Variants in NEK11 observed in about 807,000 individuals in gnomAD.
NEK11 encodes the protein NIMA related kinase 11, also known as serine/threonine-protein kinase Nek11.
A neutral mutation model predicts 80.7 loss-of-function variants in NEK11; 72 were observed. The observed-to-expected ratio is 0.89, with a 90% CI of 0.74 to 1.08. The LOEUF is 1.08. NEK11 is among the 50% of genes least tolerant of loss of function. The pLI, the probability that NEK11 is intolerant of heterozygous loss-of-function variation, is 0.00. For synonymous variants in NEK11, 251 were observed against 260.7 expected, an observed-to-expected ratio of 0.96 and a Z score of 0.36; for missense variants, 764 against 763.6, an observed-to-expected ratio of 1.00 and a Z score of -0.01.
intron 14 of NEK11, among the ~76,000 whole-genome samples, chr3:131,173,422 T>G (rs755758202): frequency 2.6e-5 from 4 of 152,086 alleles, no homozygotes; most frequent in Non-Finnish European, 5.9e-5. Flanking sequence ...GGATATTGAA[T>G]GGGTGGTCTA....
At chr3:131,294,092 T>G (rs2096570304) in intron 17 of NEK11, among the ~76,000 whole-genome samples, 1 of 152,084 alleles carries the variant, frequency 6.6e-6, no homozygotes, top group Non-Finnish European at 1.5e-5. Flanking sequence ...GCTCTAATTC[T>G]TACTTCTTTC....
rs191010502 is a variant in NEK11, at chr3:131,082,971, A to T, written c.336+2383A>T. Among the ~76,000 whole-genome samples the T allele has an allele frequency of 2.0e-3, 299 of 152,248 alleles. 1 individual carries two copies. The highest frequency in any genetic ancestry group is 7.0e-3 in the African/African-American group (290 of 41,506). Reference sequence around the variant, plus strand: ...CAGTAATCAAAATCAGGAAATCAACAGTGATACAATGCTAGTATGAAACCC... The same window carrying T: ...CAGTAATCAAAATCAGGAAATCAACTGTGATACAATGCTAGTATGAAACCC... On this transcript the variant is annotated intron_variant, in intron 4 of 17. Transcript: ENST00000383366.
intron 3 of NEK11, among the ~76,000 whole-genome samples, chr3:131,058,794 C>G (rs1482453018): frequency 6.6e-6 from 1 of 152,158 alleles, no homozygotes; most frequent in African/African-American, 2.4e-5. Context: ...CTCTCCCATC[C>G]TCACAGACAA....
intron 14 of NEK11, among the ~76,000 whole-genome samples, chr3:131,179,944 A>G (rs2150153572): frequency 6.6e-6 from 1 of 152,340 alleles, no homozygotes; most frequent in South Asian, 2.1e-4. Context: ...TGTAACAAAT[A>G]CACCTATTGA....
rs144492206 is a variant in NEK11 at position 131,113,934 on chromosome 3, A to G, written c.455+4013A>G. ...TCAAAAAAAAAAAAAAAAAAAGGCA[A>G]TCTTGCTTAAATATAACTATTGTTT... On this transcript the variant is annotated intron_variant, in intron 5 of 17. Coordinates refer to ENST00000383366, the MANE Select transcript of NEK11 (RefSeq NM_024800.5). Among the ~76,000 whole-genome samples, 775 of 149,658 alleles carry G rather than the reference A, an allele frequency of 5.2e-3. 8 individuals are homozygous for G. The highest frequency in any genetic ancestry group is 0.018 in the African/African-American group (724 of 40,672).
intron 17 of NEK11, among the ~76,000 whole-genome samples, chr3:131,305,153 G>T (rs1380530640): frequency 1.3e-5 from 2 of 151,644 alleles, no homozygotes; most frequent in African/African-American, 2.4e-5. Context: ...GCTATGGTGT[G>T]TGCACTGGCG....
chr3:131,232,685 G>A (rs1390026016), intron 15 of NEK11, among the ~76,000 whole-genome samples: 1 of 152,180 alleles, frequency 6.6e-6, no homozygotes, highest in Non-Finnish European at 1.5e-5. Context: ...GCAGAGAACT[G>A]GATATGCGAT....
intron 17 of NEK11, among the ~76,000 whole-genome samples, chr3:131,306,790 C>G (rs1021375567): frequency 3.9e-5 from 6 of 152,184 alleles, no homozygotes; most frequent in African/African-American, 1.4e-4. Flanking sequence ...GGAGGTATAT[C>G]TCACTCAATT....
chr3:131,349,079 C>T (rs184595265), intron 17 of NEK11, among the ~76,000 whole-genome samples: 1 of 152,134 alleles, frequency 6.6e-6, no homozygotes, highest in Non-Finnish European at 1.5e-5. Flanking sequence ...ATGTTTTAGC[C>T]TTAGGGCCAA....
In NEK11 at chr3:131,136,843, C is replaced by T. The variant is rs138187660; in HGVS notation, c.647+2887C>T. Among the ~76,000 whole-genome samples, 252 of 152,232 alleles carry T rather than the reference C, an allele frequency of 1.7e-3. 1 individual carries two copies. Among genetic ancestry groups the T allele is most frequent in the Non-Finnish European group, 2.8e-3 (190 of 68,010 alleles). On this transcript the variant is annotated intron_variant, in intron 7 of 17. Coordinates refer to ENST00000383366, the MANE Select transcript of NEK11 (RefSeq NM_024800.5). ...AGAAATACAAATATGAGTTGGGTTC[C>T]TAGGCCAGCTCATTAAATTGATTTA... is the stretch of plus-strand genomic sequence containing the variant.
chr3:131,322,245 A>C (rs2109763073), intron 17 of NEK11, among the ~76,000 whole-genome samples: 1 of 152,304 alleles, frequency 6.6e-6, no homozygotes, highest in Middle Eastern at 3.4e-3. Flanking sequence ...AGGAACAGAA[A>C]CCAGATACCA....
intron 3 of NEK11, among the ~76,000 whole-genome samples, chr3:131,052,873 G>C (rs1350375398): frequency 6.6e-6 from 1 of 152,056 alleles, no homozygotes; most frequent in Non-Finnish European, 1.5e-5. Context: ...GAAAACACTG[G>C]GTTCCACAAC....
At chr3:131,122,427 C>T (rs1488504994) in intron 5 of NEK11, among the ~76,000 whole-genome samples, 5 of 152,202 alleles carry the variant, frequency 3.3e-5, no homozygotes, top group Admixed American at 6.5e-5. Flanking sequence ...TGAGGAAGAC[C>T]TGACCCTGCT....
chr3:131,123,470 T>C (rs1255084742), intron 5 of NEK11, among the ~76,000 whole-genome samples: 1 of 152,222 alleles, frequency 6.6e-6, no homozygotes, highest in Non-Finnish European at 1.5e-5. Flanking sequence ...TGGCCAATTA[T>C]AATTTTTCAA....
intron 17 of NEK11, among the ~76,000 whole-genome samples, chr3:131,340,650 C>T (rs764821317): frequency 1.6e-4 from 25 of 152,072 alleles, no homozygotes; most frequent in Non-Finnish European, 3.7e-4. Flanking sequence ...CGGGATGTGA[C>T]CCCAAGCAGT....
intron 14 of NEK11, among the ~76,000 whole-genome samples, chr3:131,188,097 C>G (rs909372874): frequency 6.6e-6 from 1 of 152,060 alleles, no homozygotes; most frequent in African/African-American, 2.4e-5. Context: ...GCCTGGAGTG[C>G]CATAGTGTGA....
chr3:131,081,725 A>G (rs1446681616), intron 4 of NEK11, among the ~76,000 whole-genome samples: 1 of 152,216 alleles, frequency 6.6e-6, no homozygotes, highest in Non-Finnish European at 1.5e-5. Context: ...CTGGAGCCCA[A>G]AAGACATGAG....
intron 17 of NEK11, among the ~76,000 whole-genome samples, chr3:131,282,324 C>G (rs73870835): frequency 0.11 from 16,397 of 151,306 alleles, 1,508 homozygotes; most frequent in African/African-American, 0.24. Context: ...GCACATCATG[C>G]CCAAGTGGAC....
At chr3:131,334,855 A>G (rs1453729696) in intron 17 of NEK11, among the ~76,000 whole-genome samples, 1 of 152,246 alleles carries the variant, frequency 6.6e-6, no homozygotes, top group Non-Finnish European at 1.5e-5. Context: ...ACGCAAATAA[A>G]CTAGAAAATC....
Sources: gnomAD v4.1 joint callset for allele counts (sites outside exome capture counted in the v4.1 genomes callset) on GRCh38, gnomAD v4.1.1 for gene constraint, MANE v1.5 for transcripts, NCBI Gene and HGNC (gene_info 2026-07-23, HGNC 2026-07-21) for gene names.